Variants in BCKDHA observed in about 807,000 individuals in gnomAD.
BCKDHA encodes the protein 2-oxoisovalerate dehydrogenase subunit alpha, mitochondrial.
In BCKDHA, 43 loss-of-function variants were observed where a neutral mutation model predicts 52.2. That is an observed-to-expected ratio of 0.82 (90% CI 0.64 to 1.06). BCKDHA has a LOEUF of 1.06. BCKDHA is among the 50% of genes least tolerant of loss of function. The pLI, the probability that BCKDHA is intolerant of heterozygous loss-of-function variation, is 0.00. For synonymous variants in BCKDHA, 234 were observed against 247.9 expected, an observed-to-expected ratio of 0.94 and a Z score of 0.53; for missense variants, 527 against 621.3, an observed-to-expected ratio of 0.85 and a Z score of 1.61.
At chr19:41,412,376 A>ATTTCT (rs1555765797) in intron 3 of BCKDHA, among the ~76,000 whole-genome samples, 1 of 46,390 alleles carries the variant, frequency 2.2e-5, no homozygotes, top group African/African-American at 1.1e-4. Context: ...GTCTGTAGAT[A>ATTTCT]TTTCTTTTTT....
In BCKDHA at chr19:41,422,336, G is replaced by A. The variant is rs201991385; in HGVS notation, c.819G>A (p.Thr273=). 1.2e-5 allele frequency: 20 copies of A among 1,614,162 alleles called. No homozygotes were observed. The highest frequency in any genetic ancestry group is 3.3e-5 in the Admixed American group (2 of 60,016). The change falls in exon 6 of 9, where the codon ACG becomes ACA. Residue 273 remains threonine, a synonymous_variant. Transcript: ENST00000269980. Reference sequence around the variant, plus strand: ...GGAACAATGGCTACGCCATCTCCACGCCCACCTCTGAGCAGTATCGCGGCG... The same window carrying A: ...GGAACAATGGCTACGCCATCTCCACACCCACCTCTGAGCAGTATCGCGGCG... ...FCRNNGYAIS[T]PTSEQYRGDG... is the part of the protein sequence containing the mutation.
At chr19:41,422,869 C>T in intron 7 of BCKDHA, 99 bp downstream of exon 7, 1 of 1,593,034 alleles carries the variant, frequency 6.3e-7, no homozygotes, top group Non-Finnish European at 8.6e-7. Flanking sequence ...GCCTTATCAC[C>T]TGATGTTGCA....
intron 3 of BCKDHA, among the ~76,000 whole-genome samples, chr19:41,411,254 G>T (rs933930655): frequency 6.6e-6 from 1 of 152,116 alleles, no homozygotes; most frequent in Non-Finnish European, 1.5e-5. Context: ...GCCTGTGTGG[G>T]GAGAGGGCAG....
In BCKDHA at chr19:41,401,616, T is replaced by A. The variant is rs117138963; in HGVS notation, c.108+3681T>A. Among the ~76,000 whole-genome samples, 168 of 152,298 alleles carry A rather than the reference T, an allele frequency of 1.1e-3. 1 individual carries two copies. The East Asian group carries it at 0.022, about 20-fold the overall frequency. On this transcript the variant is annotated intron_variant, in intron 1 of 8. Coordinates refer to ENST00000269980, the MANE Select transcript of BCKDHA (RefSeq NM_000709.4). ...TTCACCTCCCTTCCTGTCTCTGTTA[T>A]CATAGCAGACGTTTTAGTGCTCAGG...
At position 41,414,108 on chromosome 19, in the gene BCKDHA, C is replaced by T. The variant is rs369278165; in HGVS notation, c.435C>T (p.Ala145=). The part of the protein sequence containing the change: ...YGEEGTHVGS[A]AALDNTDLVF... The stretch of plus-strand genomic sequence containing the variant: ...AGGAGGGCACGCACGTGGGGAGTGC[C>T]GCCGCCCTGGACAACACGGACCTGG... Residue 145 remains alanine (A), a synonymous_variant, in exon 4 of 9, where the codon GCC becomes GCT. Coordinates refer to ENST00000269980, the MANE Select transcript of BCKDHA (RefSeq NM_000709.4). The T allele has an allele frequency of 2.2e-5, 35 of 1,613,616 alleles. No homozygotes were observed. The highest frequency in any genetic ancestry group is 4.4e-5 in the South Asian group (4 of 91,088).
In BCKDHA at chr19:41,414,093, G is replaced by A. The variant is rs143608852; in HGVS notation, c.420G>A (p.Thr140=). Residue 140 remains threonine, a synonymous_variant, in exon 4 of 9, where the codon ACG becomes ACA. Coordinates refer to ENST00000269980, the MANE Select transcript of BCKDHA (RefSeq NM_000709.4). ...TGACCAACTATGGTGAGGAGGGCAC[G>A]CACGTGGGGAGTGCCGCCGCCCTGG... ...FYMTNYGEEG[T]HVGSAAALDN... is the part of the protein sequence containing the mutation. 323 of 1,613,644 alleles carry A rather than the reference G, an allele frequency of 2.0e-4. No homozygotes were observed. The highest frequency in any genetic ancestry group is 2.4e-4 in the Non-Finnish European group (283 of 1,180,048).
intron 4 of BCKDHA, 27 bp from the exon 5 acceptor site, chr19:41,419,108 G>A: frequency 6.2e-7 from 1 of 1,613,814 alleles, no homozygotes; most frequent in Non-Finnish European, 8.5e-7. Flanking sequence ...TGCCCACTCG[G>A]CTAACCATTG....
chr19:41,412,165 C>T (rs541782726), intron 3 of BCKDHA, among the ~76,000 whole-genome samples: 11 of 151,726 alleles, frequency 7.2e-5, no homozygotes, highest in African/African-American at 9.7e-5. Context: ...CTTGGCTTCT[C>T]GCCCTGGATG....
intron 1 of BCKDHA, among the ~76,000 whole-genome samples, chr19:41,407,268 A>G (rs1306971368): frequency 1.3e-5 from 2 of 152,186 alleles, no homozygotes; most frequent in African/African-American, 4.8e-5. Flanking sequence ...AGATAAGGAA[A>G]TTCAGAGAGG....
chr19:41,415,100 C>T (rs778624991), intron 4 of BCKDHA, among the ~76,000 whole-genome samples: 104 of 152,208 alleles, frequency 6.8e-4, no homozygotes, highest in Non-Finnish European at 1.2e-3. Context: ...CTGTCCAGAG[C>T]CCCCATGGAC....
At position 41,423,293 on chromosome 19, in the gene BCKDHA, C is replaced by T. The variant is rs1415624555; in HGVS notation, c.1167+124C>T. 9.7e-6 allele frequency: 14 copies of T among 1,448,624 alleles called. No individual in the cohort carries two copies. In the East Asian group the frequency reaches 3.5e-4, roughly 36 times the overall value. The allele number at this position is 1,448,624 out of a possible 1,614,324, so 89.7% of individuals were successfully genotyped here. A position where few individuals can be genotyped will look rare whatever the true frequency, so the allele number is the denominator to read the frequency against. Reference sequence around the variant, plus strand: ...ACCCCAGTGATGTCTCAGATGTGGCCTGTGGAGCCAGGCTGCTGGGGCCAT... The same window carrying T: ...ACCCCAGTGATGTCTCAGATGTGGCTTGTGGAGCCAGGCTGCTGGGGCCAT... On this transcript the variant is annotated intron_variant, in intron 8 of 8. Coordinates refer to ENST00000269980, the MANE Select transcript of BCKDHA (RefSeq NM_000709.4).
At chr19:41,422,827 T>C in intron 7 of BCKDHA, 57 bp downstream of exon 7, 1 of 1,609,112 alleles carries the variant, frequency 6.2e-7, no homozygotes, top group Non-Finnish European at 8.5e-7. Context: ...CCGTAGCATC[T>C]TCCTCATATC....
At position 41,423,043 on chromosome 19, in the gene BCKDHA, G is replaced by A. The variant is rs144276456; in HGVS notation, c.1041G>A (p.Ser347=). Residue 347 remains serine (S), a synonymous_variant, in exon 8 of 9, where the codon TCG becomes TCA. Coordinates refer to ENST00000269980, the MANE Select transcript of BCKDHA (RefSeq NM_000709.4). ...STSDDSSAYR[S]VDEVNYWDKQ... ...GTGACGACAGTTCAGCGTACCGCTCGGTGGATGAGGTCAATTACTGGGATA... is the reference window on the plus strand; with the variant it reads ...GTGACGACAGTTCAGCGTACCGCTCAGTGGATGAGGTCAATTACTGGGATA... The A allele has an allele frequency of 1.9e-5, 31 of 1,604,318 alleles. No homozygotes were observed. The highest frequency in any genetic ancestry group is 1.4e-4 in the Admixed American group (8 of 58,492).
intron 1 of BCKDHA, among the ~76,000 whole-genome samples, chr19:41,407,423 A>T (rs1368956757): frequency 2.0e-5 from 3 of 152,146 alleles, no homozygotes; most frequent in Non-Finnish European, 4.4e-5. Context: ...GGCAACCTGG[A>T]CGCTGTCTCT....
chr19:41,422,513 G>A (rs1184174513), intron 6 of BCKDHA, 116 bp from the exon 7 acceptor site: 2 of 1,576,302 alleles, frequency 1.3e-6, no homozygotes, highest in African/African-American at 1.3e-5. Flanking sequence ...AGCCACAGGA[G>A]TTGAGGTCCT....
At chr19:41,401,798 G>A (rs1286088168) in intron 1 of BCKDHA, among the ~76,000 whole-genome samples, 1 of 152,170 alleles carries the variant, frequency 6.6e-6, no homozygotes, top group Non-Finnish European at 1.5e-5. Context: ...GGAAGCCCCT[G>A]GAGCTCGCTC....
chr19:41,402,185 C>A (rs1438149611), intron 1 of BCKDHA, among the ~76,000 whole-genome samples: 2 of 152,134 alleles, frequency 1.3e-5, no homozygotes, highest in Admixed American at 1.3e-4. Context: ...CCCCATAATT[C>A]AATTACCTCC....
chr19:41,418,888 T>C (rs2039334308), intron 4 of BCKDHA: 2 of 516,584 alleles, frequency 3.9e-6, no homozygotes, highest in Non-Finnish European at 3.6e-6. Flanking sequence ...ATTGAATTAG[T>C]TGAAAGCACT....
Position 41,422,753 on chromosome 19 carries a change from C to A in BCKDHA, c.978C>A (p.Ile326=), listed in dbSNP as rs398123514. ...TGGCAGAGAACCAGCCCTTCCTCAT[C>A]GAGGCCATGACCTACAGGTGCCTGC... ...RAVAENQPFL[I]EAMTYRIGHH... The change falls in exon 7 of 9, where the codon ATC becomes ATA. Residue 326 remains isoleucine, a synonymous_variant. Coordinates refer to ENST00000269980, the MANE Select transcript of BCKDHA (RefSeq NM_000709.4). 1.9e-6 allele frequency: 3 copies of A among 1,613,642 alleles called. No individual in the cohort carries two copies. Among genetic ancestry groups the A allele is most frequent in the Non-Finnish European group, 2.5e-6 (3 of 1,180,018 alleles).
Sources: gnomAD v4.1 joint callset for allele counts (sites outside exome capture counted in the v4.1 genomes callset) on GRCh38, gnomAD v4.1.1 for gene constraint, MANE v1.5 for transcripts, NCBI Gene and HGNC (gene_info 2026-07-23, HGNC 2026-07-21) for gene names.